The following CSMD3 variants were observed in gnomAD, a reference collection of about 807,000 sequenced individuals.
CSMD3 encodes CUB and Sushi multiple domains 3, also known as CUB and sushi domain-containing protein 3.
A neutral mutation model predicts 435.2 loss-of-function variants in CSMD3; 177 were observed. The observed-to-expected ratio is 0.41, with a 90% CI of 0.36 to 0.46. CSMD3 has a LOEUF of 0.46. Among genes scored for constraint, CSMD3 ranks in the 20% least tolerant of loss-of-function variants. CSMD3 has a pLI of 0.34. For synonymous variants in CSMD3, 1,656 were observed against 1,520.5 expected (o/e 1.09, Z -2.07); for missense variants, 4,265 against 4,504.6 (o/e 0.95, Z 1.52).
chr8:112,252,977 A>G (rs1180432449), intron 63 of CSMD3, among the ~76,000 whole-genome samples: 1 of 151,662 alleles, frequency 6.6e-6, no homozygotes, highest in African/African-American at 2.4e-5. Flanking sequence ...AGAGTTAGTG[A>G]TTCTCTTCAT....
chr8:112,991,408 C>G (rs1327521982), intron 6 of CSMD3, among the ~76,000 whole-genome samples: 1 of 151,620 alleles, frequency 6.6e-6, no homozygotes, highest in African/African-American at 2.4e-5. Flanking sequence ...AGTACATGTG[C>G]AAAAATGGTC....
At chr8:113,272,425 G>A (rs921771656) in intron 3 of CSMD3, among the ~76,000 whole-genome samples, 3 of 152,102 alleles carry the variant, frequency 2.0e-5, no homozygotes, top group African/African-American at 7.3e-5. Context: ...TCTTGTGGTA[G>A]TGAATAAGTC....
chr8:112,645,217 C>T lies in CSMD3; in HGVS notation c.3202G>A (p.Gly1068Arg), dbSNP rs2074946743. 1 of 1,538,508 alleles carries T rather than the reference C, an allele frequency of 6.5e-7. No individual in the cohort carries two copies. The highest frequency in any genetic ancestry group is 9.0e-7 in the Non-Finnish European group (1 of 1,111,198). ...CCACTAGGCCCTCTAACATCTCCTC[C>T]ACATAATGCTGAAATACAAAGAAAC... ...HPLPTCDALC[G>R]GDVRGPSGTI... Residue 1068 changes from glycine to arginine, a missense_variant, in exon 20 of 71, where the codon GGA (glycine) becomes AGA (arginine). Coordinates refer to ENST00000297405, the MANE Select transcript of CSMD3 (RefSeq NM_198123.2).
chr8:113,058,640 T>C (rs2088459797), intron 5 of CSMD3, among the ~76,000 whole-genome samples: 1 of 151,902 alleles, frequency 6.6e-6, no homozygotes, highest in Admixed American at 6.6e-5. Context: ...AAAAGTAACA[T>C]GGGGGTACTT....
intron 34 of CSMD3, among the ~76,000 whole-genome samples, chr8:112,408,052 G>C (rs1832013559): frequency 6.6e-6 from 1 of 151,938 alleles, no homozygotes; most frequent in South Asian, 2.1e-4. Context: ...GATAGTAAAG[G>C]ATTGTCAGGA....
intron 10 of CSMD3, among the ~76,000 whole-genome samples, chr8:112,882,019 G>T (rs184555786): frequency 8.0e-4 from 122 of 151,798 alleles, no homozygotes; most frequent in African/African-American, 2.8e-3. Context: ...TCCTTTTTCT[G>T]GGAGACTGGT....
chr8:112,834,832 A>G (rs1462974357), intron 11 of CSMD3, among the ~76,000 whole-genome samples: 1 of 151,904 alleles, frequency 6.6e-6, no homozygotes, highest in Admixed American at 6.6e-5. Flanking sequence ...AGAATGCCAT[A>G]CATTTTGCCT....
intron 1 of CSMD3, among the ~76,000 whole-genome samples, chr8:113,334,788 C>A (rs1226564269): frequency 6.6e-6 from 1 of 152,052 alleles, no homozygotes; most frequent in South Asian, 2.1e-4. Context: ...GAGGAATTGG[C>A]ATATTTTTTT....
chr8:112,494,503 C>CT (rs1192849156), intron 30 of CSMD3, among the ~76,000 whole-genome samples: 5 of 28,070 alleles, frequency 1.8e-4, no homozygotes, highest in South Asian at 8.4e-4. Flanking sequence ...TCCTTTCTTT[C>CT]TTTCTTTCTT....
At chr8:112,875,300 T>C (rs1046716320) in intron 10 of CSMD3, among the ~76,000 whole-genome samples, 4 of 152,222 alleles carry the variant, frequency 2.6e-5, no homozygotes, top group African/African-American at 7.2e-5. Context: ...GTTAGTCTAA[T>C]GGGCTTCCCT....
intron 10 of CSMD3, among the ~76,000 whole-genome samples, chr8:112,879,450 T>C (rs961161744): frequency 1.4e-4 from 22 of 152,110 alleles, no homozygotes; most frequent in African/African-American, 5.3e-4. Flanking sequence ...TCATTAGCAA[T>C]TCTGGTTTCA....
At chr8:112,853,725 G>GT (rs1283713443) in intron 11 of CSMD3, among the ~76,000 whole-genome samples, 6 of 152,134 alleles carry the variant, frequency 3.9e-5, no homozygotes, top group African/African-American at 1.4e-4. Context: ...AAGATAAACT[G>GT]TTTTTTCTCC....
chr8:112,424,716 G>A (rs550400396), intron 32 of CSMD3, among the ~76,000 whole-genome samples: 46 of 151,394 alleles, frequency 3.0e-4, no homozygotes, highest in East Asian at 3.9e-4. Flanking sequence ...TATTTGAGGC[G>A]GAGTCTCACT....
At chr8:113,016,690 T>G (rs745709844) in intron 6 of CSMD3, among the ~76,000 whole-genome samples, 7 of 151,830 alleles carry the variant, frequency 4.6e-5, no homozygotes, top group Non-Finnish European at 8.8e-5. Flanking sequence ...GACTTTTGTA[T>G]AATATATTAC....
At chr8:112,881,871 A>T (rs1467143068) in intron 10 of CSMD3, among the ~76,000 whole-genome samples, 1 of 152,002 alleles carries the variant, frequency 6.6e-6, no homozygotes, top group East Asian at 1.9e-4. Flanking sequence ...ACACTTATTT[A>T]CAGGAGAGTC....
intron 1 of CSMD3, among the ~76,000 whole-genome samples, chr8:113,325,399 T>C (rs1206021551): frequency 6.6e-6 from 1 of 152,298 alleles, no homozygotes; most frequent in African/African-American, 2.4e-5. Flanking sequence ...TGGTATTATA[T>C]GAGGCAGTTT....
intron 5 of CSMD3, among the ~76,000 whole-genome samples, chr8:113,069,719 G>T (rs73702284): frequency 2.6e-5 from 4 of 151,936 alleles, no homozygotes; most frequent in African/African-American, 9.7e-5. Flanking sequence ...GCAATTTCTC[G>T]CCCTCTTGCA....
At chr8:112,804,808 G>C (rs1202461260) in intron 12 of CSMD3, among the ~76,000 whole-genome samples, 2 of 151,996 alleles carry the variant, frequency 1.3e-5, no homozygotes, top group Admixed American at 1.3e-4. Flanking sequence ...GGGACTACAG[G>C]TGTGCACCAC....
intron 1 of CSMD3, among the ~76,000 whole-genome samples, chr8:113,360,505 G>C (rs2094265871): frequency 6.6e-6 from 1 of 150,724 alleles, no homozygotes; most frequent in South Asian, 2.1e-4. Context: ...ACATGTAAAA[G>C]TGATGACACT....
Sources: gnomAD v4.1 joint callset for allele counts (sites outside exome capture counted in the v4.1 genomes callset) on GRCh38, gnomAD v4.1.1 for gene constraint, MANE v1.5 for transcripts, NCBI Gene and HGNC (gene_info 2026-07-23, HGNC 2026-07-21) for gene names.